The following MED12L variants were observed in gnomAD, a reference collection of about 807,000 sequenced individuals.
MED12L encodes mediator of RNA polymerase II transcription subunit 12-like protein.
Under a neutral mutation model 281.3 loss-of-function variants are expected in MED12L, and 60 were observed. The observed-to-expected ratio is 0.21, with a 90% CI of 0.17 to 0.26. The LOEUF is 0.26. Among genes scored for constraint, MED12L ranks in the 10% least tolerant of loss-of-function variants. The pLI is 1.00. For missense variants in MED12L, 2,146 were observed against 2,680.9 expected (o/e 0.80, Z 4.41); for synonymous variants, 974 against 987.2 (o/e 0.99, Z 0.25).
intron 5 of MED12L, among the ~76,000 whole-genome samples, chr3:151,154,220 T>C (rs1718955471): frequency 6.6e-6 from 1 of 152,204 alleles, no homozygotes; most frequent in African/African-American, 2.4e-5. Flanking sequence ...TGTAGCTATC[T>C]GATTGACATA....
At chr3:151,143,574 T>C (rs762407697) in intron 5 of MED12L, among the ~76,000 whole-genome samples, 15 of 152,214 alleles carry the variant, frequency 9.9e-5, no homozygotes, top group Non-Finnish European at 1.8e-4. Context: ...GCAGCAAGTA[T>C]CTTTCACCAG....
At chr3:151,416,455 G>A in intron 43 of MED12L, 33 bp downstream of exon 43, 1 of 1,606,030 alleles carries the variant, frequency 6.2e-7, no homozygotes, top group Non-Finnish European at 8.5e-7. Flanking sequence ...CAGACATGTG[G>A]GTTTCTTCTT....
chr3:151,176,863 G>A (rs1408816648), intron 11 of MED12L, among the ~76,000 whole-genome samples: 1 of 152,226 alleles, frequency 6.6e-6, no homozygotes, highest in African/African-American at 2.4e-5. Context: ...AAGTGCATCT[G>A]TAAACTTTCT....
intron 3 of MED12L, among the ~76,000 whole-genome samples, chr3:151,122,002 C>T (rs1713836662): frequency 2.0e-5 from 3 of 152,160 alleles, no homozygotes; most frequent in Admixed American, 6.5e-5. Flanking sequence ...GCGTGAGCCA[C>T]CATACCCAGT....
chr3:151,263,748 C>T (rs1348312687), intron 16 of MED12L, among the ~76,000 whole-genome samples: 1 of 119,730 alleles, frequency 8.4e-6, no homozygotes, highest in Non-Finnish European at 1.7e-5. Context: ...GTTGGAATTC[C>T]TGGATTCCCG....
intron 16 of MED12L, among the ~76,000 whole-genome samples, chr3:151,343,280 T>A (rs1354615315): frequency 3.3e-5 from 5 of 152,236 alleles, no homozygotes; most frequent in Non-Finnish European, 7.3e-5. Flanking sequence ...CAATCTGCCA[T>A]ATTACTAATT....
chr3:151,323,898 T>G (rs766535276), intron 16 of MED12L, among the ~76,000 whole-genome samples: 11 of 152,226 alleles, frequency 7.2e-5, no homozygotes, highest in Admixed American at 2.0e-4. Flanking sequence ...GGTGCCACTA[T>G]TGCACCATTC....
chr3:151,330,371 C>T (rs16863318), intron 16 of MED12L, among the ~76,000 whole-genome samples: 3,526 of 152,200 alleles, frequency 0.023, 130 homozygotes, highest in African/African-American at 0.082. Context: ...ATTTCGAGTG[C>T]AGAGGACTTC....
chr3:151,270,216 T>TGTGTGTGTGTGC (rs1553764786), intron 16 of MED12L: 1 of 156,138 alleles, frequency 6.4e-6, no homozygotes, highest in African/African-American at 2.4e-5. Flanking sequence ...TGTGTGTGTG[T>TGTGTGTGTGTGC]GTGTGTGTGT....
intron 19 of MED12L, among the ~76,000 whole-genome samples, chr3:151,357,007 G>A (rs1011275331): frequency 3.9e-5 from 6 of 152,050 alleles, no homozygotes. Flanking sequence ...TTTCAGCACT[G>A]GGTACTTCCT....
At chr3:151,299,308 G>C (rs1745535608) in intron 16 of MED12L, among the ~76,000 whole-genome samples, 3 of 150,798 alleles carry the variant, frequency 2.0e-5, no homozygotes, top group African/African-American at 7.3e-5. Context: ...GGGCACAGCT[G>C]CCTAGGTCGG....
intron 14 of MED12L, 48 bp from the exon 15 acceptor site, chr3:151,192,502 T>C (rs1443618313): frequency 4.6e-6 from 6 of 1,318,466 alleles, no homozygotes; most frequent in South Asian, 1.3e-5. Flanking sequence ...AGTTTCTTGA[T>C]GAACTCCAAA....
intron 16 of MED12L, chr3:151,198,922 T>G (rs756728573): frequency 6.2e-7 from 1 of 1,614,104 alleles, no homozygotes; most frequent in East Asian, 2.2e-5. Context: ...CCTTGATGTC[T>G]TTGATGGGAA....
chr3:151,317,352 T>C (rs1438218357), intron 16 of MED12L, among the ~76,000 whole-genome samples: 1 of 151,740 alleles, frequency 6.6e-6, no homozygotes, highest in African/African-American at 2.4e-5. Flanking sequence ...CTGACTCCTT[T>C]GAATGCTGAC....
At chr3:151,368,324 G>C in intron 25 of MED12L, 73 bp downstream of exon 25, 2 of 1,294,040 alleles carry the variant, frequency 1.5e-6, no homozygotes, top group Non-Finnish European at 2.2e-6. Flanking sequence ...CAAATAGGCT[G>C]TCCCTTTCTG....
chr3:151,143,632 G>T (rs1242033765), intron 5 of MED12L, among the ~76,000 whole-genome samples: 2 of 152,154 alleles, frequency 1.3e-5, no homozygotes, highest in Non-Finnish European at 1.5e-5. Flanking sequence ...GAATCTTCAG[G>T]AGGGTGGGTG....
At chr3:151,105,461 C>A (rs1473984176) in intron 2 of MED12L, among the ~76,000 whole-genome samples, 1 of 152,106 alleles carries the variant, frequency 6.6e-6, no homozygotes, top group Non-Finnish European at 1.5e-5. Context: ...TCTCAGGTCA[C>A]CCGGAATGGC....
At chr3:151,338,004 T>C in intron 16 of MED12L, 1 of 1,614,132 alleles carries the variant, frequency 6.2e-7, no homozygotes, top group Non-Finnish European at 8.5e-7. Flanking sequence ...CAGAGTGCTC[T>C]CTTTCACATA....
intron 39 of MED12L, among the ~76,000 whole-genome samples, chr3:151,397,953 G>A (rs1715193668): frequency 6.6e-6 from 1 of 152,156 alleles, no homozygotes; most frequent in East Asian, 1.9e-4. Context: ...GGTTTTGGAT[G>A]TGACTGCTTC....
Sources: gnomAD v4.1 joint callset for allele counts (sites outside exome capture counted in the v4.1 genomes callset) on GRCh38, gnomAD v4.1.1 for gene constraint, MANE v1.5 for transcripts, NCBI Gene and HGNC (gene_info 2026-07-23, HGNC 2026-07-21) for gene names.